Variants in ZC3H13 observed in about 807,000 individuals in gnomAD.
ZC3H13 encodes the protein zinc finger CCCH-type containing 13.
A neutral mutation model predicts 204.1 loss-of-function variants in ZC3H13; 64 were observed. The ratio of observed to expected loss-of-function variants is 0.31; its 90% CI spans 0.26 to 0.39. The LOEUF (loss-of-function observed/expected upper bound fraction) is 0.39, where lower values mean the gene tolerates loss of function less well. ZC3H13 is among the 10% of genes least tolerant of loss of function. The probability of loss-of-function intolerance (pLI) is 1.00; values close to 1 mark genes in which losing one functional copy is unlikely to be tolerated. For synonymous variants in ZC3H13, 667 were observed against 693.7 expected (o/e 0.96, Z 0.60); for missense variants, 1,833 against 2,082.7 (o/e 0.88, Z 2.33).
intron 7 of ZC3H13, 67 bp downstream of exon 7, chr13:46,010,281 T>C: frequency 6.9e-7 from 1 of 1,442,220 alleles, no homozygotes. Context: ...TTTTATAACC[T>C]ACTAATTCTT....
At chr13:46,050,237 A>G (rs577641930) in intron 1 of ZC3H13, among the ~76,000 whole-genome samples, 6 of 152,294 alleles carry the variant, frequency 3.9e-5, no homozygotes, top group African/African-American at 1.4e-4. Context: ...GAAACTTAGA[A>G]TAACACTGTA....
At chr13:45,980,388 G>C (rs1316006806) in intron 10 of ZC3H13, among the ~76,000 whole-genome samples, 1 of 152,130 alleles carries the variant, frequency 6.6e-6, no homozygotes, top group Non-Finnish European at 1.5e-5. Context: ...ACAGTTTACA[G>C]TGAAAACATT....
At chr13:46,044,477 A>G (rs1316142377) in intron 3 of ZC3H13, among the ~76,000 whole-genome samples, 1 of 152,088 alleles carries the variant, frequency 6.6e-6, no homozygotes, top group Non-Finnish European at 1.5e-5. Context: ...ATATAAATAC[A>G]TATTTTCATT....
chr13:45,982,376 A>G (rs1953717686), intron 10 of ZC3H13, among the ~76,000 whole-genome samples: 1 of 152,184 alleles, frequency 6.6e-6, no homozygotes, highest in African/African-American at 2.4e-5. Context: ...GTAAACTAGA[A>G]GGTAAGCCTG....
At chr13:45,975,964 C>A in intron 11 of ZC3H13, 126 bp from the exon 12 acceptor site, 1 of 1,396,612 alleles carries the variant, frequency 7.2e-7, no homozygotes, top group Non-Finnish European at 9.4e-7. Context: ...AACCAAGTAG[C>A]ATATTTAATT....
At chr13:46,027,112 T>A (rs781043287) in intron 4 of ZC3H13, among the ~76,000 whole-genome samples, 3 of 152,186 alleles carry the variant, frequency 2.0e-5, no homozygotes, top group Non-Finnish European at 2.9e-5. Flanking sequence ...TTTTTATTTT[T>A]TTTTATTTTT....
Position 45,957,291 on chromosome 13 carries a change from T to G in ZC3H13, c.4846A>C (p.Ile1616Leu). Residue 1616 changes from isoleucine to leucine, a missense_variant, in exon 19 of 19, where the codon ATA becomes CTA. Coordinates refer to ENST00000679008, the MANE Select transcript of ZC3H13 (RefSeq NM_001330564.2). ...GGAGCACTCGTGTAAGCTTGTTTTA[T>G]GGTGCCCTATTTGAAGAAAACAAAA... ...KQLVKNEKGTIKQAYTSAPMV... is the reference protein window; with the variant it reads ...KQLVKNEKGTLKQAYTSAPMV... 1 of 1,513,294 alleles carries G rather than the reference T, an allele frequency of 6.6e-7. No individual in the cohort carries two copies. Among genetic ancestry groups the G allele is most frequent in the African/African-American group, 1.4e-5 (1 of 72,108 alleles). The allele number at this position is 1,513,294 out of a possible 1,614,324, so 93.7% of individuals were successfully genotyped here. A position where few individuals can be genotyped will look rare whatever the true frequency, so the allele number is the denominator to read the frequency against.
At chr13:46,003,742 T>C (rs942191174) in intron 7 of ZC3H13, among the ~76,000 whole-genome samples, 7 of 152,182 alleles carry the variant, frequency 4.6e-5, no homozygotes, top group Non-Finnish European at 8.8e-5. Flanking sequence ...TTTACATACT[T>C]TTGCCATATA....
intron 10 of ZC3H13, among the ~76,000 whole-genome samples, chr13:45,980,430 T>C (rs1232197800): frequency 6.6e-6 from 1 of 152,144 alleles, no homozygotes; most frequent in East Asian, 1.9e-4. Context: ...AATGACAACA[T>C]TAAACTGTAT....
chr13:46,029,114 T>A (rs182283656), intron 4 of ZC3H13, among the ~76,000 whole-genome samples: 1 of 152,140 alleles, frequency 6.6e-6, no homozygotes. Context: ...GAAACAAAGG[T>A]AGGGATCTCA....
chr13:46,013,407 C>T (rs111592716), intron 5 of ZC3H13, among the ~76,000 whole-genome samples: 3 of 148,424 alleles, frequency 2.0e-5, no homozygotes, highest in Non-Finnish European at 4.5e-5. Flanking sequence ...AGCAAGACTT[C>T]GTCTCAAAAA....
chr13:46,038,397 G>A lies in ZC3H13; in HGVS notation c.339+3767C>T, dbSNP rs139720433. On this transcript the variant is annotated intron_variant, in intron 4 of 18. Coordinates refer to ENST00000679008, the MANE Select transcript of ZC3H13 (RefSeq NM_001330564.2). ...ACTCTCTCCATTGTGCATTTTGCTC[G>A]TATCTTTCTGACACACTATCACATG... is the stretch of plus-strand genomic sequence containing the variant. Among the ~76,000 whole-genome samples, 247 of 152,180 alleles carry A rather than the reference G, an allele frequency of 1.6e-3. 1 individual carries two copies. The Middle Eastern group carries it at 0.02, about 13-fold the overall frequency.
intron 8 of ZC3H13, among the ~76,000 whole-genome samples, chr13:45,991,019 C>A (rs2039934058): frequency 6.6e-6 from 1 of 152,146 alleles, no homozygotes; most frequent in East Asian, 1.9e-4. Flanking sequence ...CCCGGTTGGT[C>A]TTGAACTCCT....
At chr13:46,049,559 T>C (rs924731253) in intron 1 of ZC3H13, among the ~76,000 whole-genome samples, 2 of 152,168 alleles carry the variant, frequency 1.3e-5, no homozygotes, top group Non-Finnish European at 2.9e-5. Context: ...ACTTTAAAAA[T>C]CCCATTTATC....
At chr13:45,999,816 T>C (rs1224777202) in intron 8 of ZC3H13, among the ~76,000 whole-genome samples, 1 of 80,612 alleles carries the variant, frequency 1.2e-5, no homozygotes, top group Non-Finnish European at 2.3e-5. Flanking sequence ...CCTTATAAAA[T>C]GTATTTTTTA....
intron 8 of ZC3H13, among the ~76,000 whole-genome samples, chr13:45,998,826 G>A (rs1024821668): frequency 6.6e-6 from 1 of 152,100 alleles, no homozygotes; most frequent in Non-Finnish European, 1.5e-5. Context: ...GGAGGCTGTG[G>A]CAATTTCTTA....
Position 45,967,905 on chromosome 13 carries a change from T to C in ZC3H13, c.3920A>G (p.His1307Arg), listed in dbSNP as rs1566156748. The C allele has an allele frequency of 6.2e-7, 1 of 1,614,020 alleles. No homozygotes were observed. Among genetic ancestry groups the C allele is most frequent in the East Asian group, 2.2e-5 (1 of 44,872 alleles). Residue 1307 changes from histidine to arginine, a missense_variant, in exon 15 of 19, where the codon CAC becomes CGC. By Grantham distance (29) the His-to-Arg change is conservative. This residue lies in a region of ZC3H13 where 1,574 missense variants were observed against 1,757.2 expected (regional missense o/e 0.90). Coordinates refer to ENST00000679008, the MANE Select transcript of ZC3H13 (RefSeq NM_001330564.2). ...DRLQERDRYE[H>R]DRERERERRD... ...CCTCTCTCTCTCGCGCTCTCTGTCG[T>C]GTTCATATCGATCTCGTTCTTGAAG...
chr13:46,045,205 A>G, intron 2 of ZC3H13, 141 bp from the exon 3 acceptor site: 1 of 966,284 alleles, frequency 1.0e-6, no homozygotes, highest in Non-Finnish European at 1.5e-6. Context: ...AAACTTCAGG[A>G]AAAAAATATG....
intron 1 of ZC3H13, among the ~76,000 whole-genome samples, chr13:46,048,006 C>T (rs923366444): frequency 5.9e-5 from 9 of 152,144 alleles, no homozygotes; most frequent in East Asian, 5.8e-4. Flanking sequence ...CTACTACCCC[C>T]AACATGCCTC....
Sources: gnomAD v4.1 joint callset for allele counts (sites outside exome capture counted in the v4.1 genomes callset) on GRCh38, gnomAD v4.1.1 for gene constraint, gnomAD v4.1.1 regional missense constraint, MANE v1.5 for transcripts, NCBI Gene and HGNC (gene_info 2026-07-23, HGNC 2026-07-21) for gene names.